MAN1C1: variants seen among roughly 807,000 people sequenced by gnomAD.
MAN1C1 encodes mannosidase alpha class 1C member 1.
MAN1C1 carries 49 observed loss-of-function variants against 71.5 expected under a neutral mutation model. The observed-to-expected ratio is 0.69, with a 90% CI of 0.54 to 0.87. The LOEUF is 0.87. Among genes scored for constraint, MAN1C1 ranks in the 40% least tolerant of loss-of-function variants. The pLI is 0.00. For missense variants in MAN1C1, 743 were observed against 835.0 expected, an observed-to-expected ratio of 0.89 and a Z score of 1.36; for synonymous variants, 352 against 343.7, an observed-to-expected ratio of 1.02 and a Z score of -0.27.
rs1174301636 is a variant in MAN1C1 at position 25,679,976 on chromosome 1, T to TACAC, written c.541-6463_541-6462insCACA. ...ATATATATATATATATATATATATATATACACACACACACACACATATATA... is the reference window on the plus strand; with the variant it reads ...ATATATATATATATATATATATATATACACATACACACACACACACACATATATA... On this transcript the variant is annotated intron_variant, in intron 1 of 11. Coordinates refer to ENST00000374332, the MANE Select transcript of MAN1C1 (RefSeq NM_020379.4). Among the ~76,000 whole-genome samples, 467 of 132,250 alleles carry TACAC rather than the reference T, an allele frequency of 3.5e-3. 1 individual carries two copies. Among genetic ancestry groups the TACAC allele is most frequent in the South Asian group, 4.4e-3 (19 of 4,284 alleles). The allele number at this position is 132,250 out of a possible 152,430, so 86.8% of individuals were successfully genotyped here. A position where few individuals can be genotyped will look rare whatever the true frequency, so the allele number is the denominator to read the frequency against.
At chr1:25,781,433 C>T (rs565615604) in intron 10 of MAN1C1, among the ~76,000 whole-genome samples, 25 of 152,170 alleles carry the variant, frequency 1.6e-4, no homozygotes, top group East Asian at 7.7e-4. Context: ...AGGCACCACG[C>T]GGCCACCGCT....
chr1:25,753,652 G>A lies in MAN1C1; in HGVS notation c.929+74G>A. The A allele has an allele frequency of 4.2e-6, 6 of 1,421,202 alleles. No homozygotes were observed. The South Asian group carries it at 7.4e-5, about 18-fold the overall frequency. The allele number at this position is 1,421,202 out of a possible 1,614,324, so 88.0% of individuals were successfully genotyped here. A position where few individuals can be genotyped will look rare whatever the true frequency, so the allele number is the denominator to read the frequency against. ...ACCATTTGTGTTTTGTCTGGGTGGT[G>A]CTGGTGAGGAGGCTCCAGGGGCAGT... On this transcript the variant is annotated intron_variant, in intron 5 of 11. Transcript: ENST00000374332. This position sits in a 1 kb window ranked among gnomAD's most constrained non-coding sequence, Gnocchi z 4.9.
chr1:25,749,357 C>G, intron 4 of MAN1C1, 22 bp downstream of exon 4: 1 of 1,575,252 alleles, frequency 6.3e-7, no homozygotes, highest in Non-Finnish European at 8.7e-7. Flanking sequence ...TTTCATGACC[C>G]CTGAACTGTC....
chr1:25,645,893 G>A (rs373746704), intron 1 of MAN1C1: 5 of 143,098 alleles, frequency 3.5e-5, no homozygotes, highest in African/African-American at 1.0e-4. Context: ...TTGAAGGCTC[G>A]ATGCCACAGC....
At chr1:25,685,793 C>T (rs185236307) in intron 1 of MAN1C1, among the ~76,000 whole-genome samples, 1 of 152,304 alleles carries the variant, frequency 6.6e-6, no homozygotes, top group Admixed American at 6.5e-5. Context: ...GTTTATGATC[C>T]AGAGCCAGAG....
intron 2 of MAN1C1, among the ~76,000 whole-genome samples, chr1:25,691,460 A>T (rs1393975724): frequency 6.6e-6 from 1 of 152,222 alleles, no homozygotes; most frequent in Non-Finnish European, 1.5e-5. Flanking sequence ...TGGGAACAAT[A>T]ATGGTACCGC....
intron 1 of MAN1C1, among the ~76,000 whole-genome samples, chr1:25,670,260 C>T (rs1375608521): frequency 6.6e-6 from 1 of 152,242 alleles, no homozygotes; most frequent in Non-Finnish European, 1.5e-5. Context: ...CAAATAGTAT[C>T]ACCTCCCTGG....
At chr1:25,715,809 G>A (rs1283890443) in intron 2 of MAN1C1, among the ~76,000 whole-genome samples, 1 of 152,192 alleles carries the variant, frequency 6.6e-6, no homozygotes, top group Admixed American at 6.5e-5. Context: ...TTATCTGGTA[G>A]GATTGGATTC....
chr1:25,643,867 A>G (rs995203608), intron 1 of MAN1C1, among the ~76,000 whole-genome samples: 2 of 152,046 alleles, frequency 1.3e-5, no homozygotes, highest in Non-Finnish European at 2.9e-5. Flanking sequence ...AATTGCCTTC[A>G]TGTGGCTGCT....
At chr1:25,754,838 G>A (rs1033978853) in intron 5 of MAN1C1, among the ~76,000 whole-genome samples, 29 of 152,216 alleles carry the variant, frequency 1.9e-4, no homozygotes, top group African/African-American at 7.0e-4. Flanking sequence ...AAGGAAGCGC[G>A]TTTGCTTTTA....
chr1:25,740,852 A>G (rs1049863603), intron 2 of MAN1C1, among the ~76,000 whole-genome samples: 1 of 152,122 alleles, frequency 6.6e-6, no homozygotes, highest in African/African-American at 2.4e-5. Context: ...CCAGTGGAAT[A>G]AATGCAAGAG....
At chr1:25,758,881 C>A in intron 6 of MAN1C1, 172 bp downstream of exon 6, 2 of 623,358 alleles carry the variant, frequency 3.2e-6, no homozygotes, top group South Asian at 3.7e-5. Flanking sequence ...TATACCCCAA[C>A]GCCAGGTGGC....
At chr1:25,686,844 G>A (rs960107607) in intron 2 of MAN1C1, among the ~76,000 whole-genome samples, 17 of 152,204 alleles carry the variant, frequency 1.1e-4, no homozygotes, top group African/African-American at 3.9e-4. Flanking sequence ...ATTTGTTTCC[G>A]TGGAGGTTTG....
intron 1 of MAN1C1, among the ~76,000 whole-genome samples, chr1:25,643,589 A>ATTATTATTATTAT (rs1206960402): frequency 5.4e-5 from 7 of 129,140 alleles, no homozygotes; most frequent in Admixed American, 1.7e-4. Flanking sequence ...ATATATATTT[A>ATTATTATTATTAT]TTATTATTAT....
At chr1:25,626,063 A>T (rs2045288782) in intron 1 of MAN1C1, among the ~76,000 whole-genome samples, 1 of 152,180 alleles carries the variant, frequency 6.6e-6, no homozygotes, top group Non-Finnish European at 1.5e-5. Context: ...TTTTATGTAC[A>T]AGTCTGTGTG....
In MAN1C1 at chr1:25,629,643, A is replaced by G. The variant is rs1172459690; in HGVS notation, c.540+11306A>G. 2.0e-5 allele frequency among the ~76,000 whole-genome samples: 3 copies of G among 151,338 alleles called. No homozygotes were observed. In the East Asian group the frequency reaches 5.8e-4, roughly 29 times the overall value. ...ACCATATTGGTCAGGCTGGTCTCGA[A>G]CTCCCTACCTCAGGTGATCTGCCCA... On this transcript the variant is annotated intron_variant, in intron 1 of 11. Transcript: ENST00000374332.
At chr1:25,748,869 C>T (rs772158817) in intron 3 of MAN1C1, among the ~76,000 whole-genome samples, 4 of 152,170 alleles carry the variant, frequency 2.6e-5, no homozygotes, top group Non-Finnish European at 5.9e-5. Context: ...TCCTGCTGAG[C>T]CTTGGGGTCT....
intron 8 of MAN1C1, among the ~76,000 whole-genome samples, chr1:25,773,522 C>A (rs1271590037): frequency 1.3e-5 from 2 of 152,230 alleles, no homozygotes; most frequent in South Asian, 4.1e-4. Context: ...CAGTCTTGTT[C>A]ACTCCTGTCT....
chr1:25,718,454 A>G (rs1040274907), intron 2 of MAN1C1, among the ~76,000 whole-genome samples: 11 of 152,184 alleles, frequency 7.2e-5, no homozygotes, highest in Non-Finnish European at 1.0e-4. Flanking sequence ...GTTGACACAT[A>G]ATTTACATTG....
Sources: allele counts gnomAD v4.1 joint callset (sites outside exome capture counted in the v4.1 genomes callset), GRCh38; gene constraint gnomAD v4.1.1; non-coding constraint Gnocchi (gnomAD v3.1); transcripts MANE v1.5; gene names NCBI Gene and HGNC (gene_info 2026-07-23, HGNC 2026-07-21).